The following FLACC1 variants were observed in gnomAD, a reference collection of about 807,000 sequenced individuals.
FLACC1 encodes the protein flagellum-associated coiled-coil domain-containing protein 1.
In FLACC1, 66 loss-of-function variants were observed where a neutral mutation model predicts 62.8. The observed-to-expected ratio is 1.05, with a 90% CI of 0.86 to 1.29. The LOEUF is 1.29. Ranked by LOEUF, FLACC1 falls within the 50% of genes most tolerant of loss-of-function variation. The probability of loss-of-function intolerance (pLI) is 0.00; values close to 1 mark genes in which losing one functional copy is unlikely to be tolerated. For synonymous variants in FLACC1, 156 were observed against 161.0 expected (o/e 0.97, Z 0.24); for missense variants, 452 against 489.1 (o/e 0.92, Z 0.71).
the FLACC1 span, among the ~76,000 whole-genome samples, chr2:201,363,856 C>T: frequency 6.6e-6 from 1 of 152,180 alleles, no homozygotes; most frequent in African/African-American, 2.4e-5. Context: ...GAGGAAATTT[C>T]CCAAGCATCT....
intron 9 of FLACC1, among the ~76,000 whole-genome samples, chr2:201,323,174 G>A (rs1425694741): frequency 1.3e-5 from 2 of 152,302 alleles, no homozygotes; most frequent in East Asian, 1.9e-4. Flanking sequence ...TTATTTCAGG[G>A]AATAATTGAG....
rs889296748 is a variant in FLACC1, at chr2:201,350,299, C to T, written c.185+412G>A. Among the ~76,000 whole-genome samples, 54 of 152,086 alleles carry T rather than the reference C, an allele frequency of 3.6e-4. 1 individual carries two copies. The highest frequency in any genetic ancestry group is 5.9e-4 in the Admixed American group (9 of 15,258). On this transcript the variant is annotated intron_variant, in intron 3 of 14. Coordinates refer to ENST00000392257, the MANE Select transcript of FLACC1 (RefSeq NM_001127391.3). ...ACTCAGGAGGCTAAGGCAGGAGAAT[C>T]GTTTGAACCAGGGAGGTGGAGGTTG...
At chr2:201,295,958 T>C (rs1260558658) in intron 12 of FLACC1, among the ~76,000 whole-genome samples, 2 of 152,036 alleles carry the variant, frequency 1.3e-5, no homozygotes, top group Non-Finnish European at 2.9e-5. Context: ...CAAACCACAA[T>C]GAGATACCAT....
intron 8 of FLACC1, 95 bp downstream of exon 8, chr2:201,330,641 A>T: frequency 2.6e-6 from 4 of 1,537,484 alleles, no homozygotes; most frequent in Non-Finnish European, 3.6e-6. Flanking sequence ...AGGTAGTAAA[A>T]CCTTTGTGTG....
chr2:201,358,619 G>A (rs1468499169), upstream of FLACC1, among the ~76,000 whole-genome samples: 4 of 151,694 alleles, frequency 2.6e-5, no homozygotes, highest in South Asian at 2.1e-4. Flanking sequence ...GGGTTTCACC[G>A]TTTTAGCCGG....
At chr2:201,296,185 T>A (rs1949856687) in intron 12 of FLACC1, among the ~76,000 whole-genome samples, 1 of 152,106 alleles carries the variant, frequency 6.6e-6, no homozygotes, top group South Asian at 2.1e-4. Context: ...GGATTATAAA[T>A]CATGCTGCTA....
chr2:201,321,339 A>G (rs1244962806), intron 9 of FLACC1, among the ~76,000 whole-genome samples: 11 of 152,204 alleles, frequency 7.2e-5, no homozygotes, highest in Non-Finnish European at 2.9e-5. Context: ...CACCACATCA[A>G]GAGAACACCC....
intron 3 of FLACC1, among the ~76,000 whole-genome samples, chr2:201,350,379 C>T (rs1951000979): frequency 6.6e-6 from 1 of 151,998 alleles, no homozygotes; most frequent in South Asian, 2.1e-4. Context: ...AGCAAGACTC[C>T]ATCTCAAACA....
chr2:201,295,933 C>CAA (rs1949850936), intron 12 of FLACC1, among the ~76,000 whole-genome samples: 1 of 152,168 alleles, frequency 6.6e-6, no homozygotes, highest in Non-Finnish European at 1.5e-5. Flanking sequence ...CACTGGCCAT[C>CAA]AGAGAAATGC....
chr2:201,324,348 G>T (rs1950463669), intron 9 of FLACC1, among the ~76,000 whole-genome samples: 1 of 152,168 alleles, frequency 6.6e-6, no homozygotes, highest in African/African-American at 2.4e-5. Flanking sequence ...GGAGCTTGCA[G>T]ATTCATAAAA....
At chr2:201,330,012 A>G (rs781354228) in intron 9 of FLACC1, among the ~76,000 whole-genome samples, 9 of 152,252 alleles carry the variant, frequency 5.9e-5, no homozygotes, top group Non-Finnish European at 1.2e-4. Context: ...GTAAAATTTT[A>G]GAACCCAATG....
chr2:201,312,816 G>A (rs112269224), intron 9 of FLACC1, among the ~76,000 whole-genome samples: 16,645 of 152,212 alleles, frequency 0.11, 974 homozygotes, highest in Non-Finnish European at 0.13. Flanking sequence ...GGAAAGCCAA[G>A]AGAATCCACA....
chr2:201,322,044 G>A (rs1288205076), intron 9 of FLACC1, among the ~76,000 whole-genome samples: 1 of 152,112 alleles, frequency 6.6e-6, no homozygotes, highest in Non-Finnish European at 1.5e-5. Context: ...TGAGGCGGGT[G>A]GATCACTTGA....
At chr2:201,355,267 A>T (rs1025896665) in intron 1 of FLACC1, among the ~76,000 whole-genome samples, 1 of 152,238 alleles carries the variant, frequency 6.6e-6, no homozygotes, top group Non-Finnish European at 1.5e-5. Context: ...CCTGGATGAC[A>T]GAACAAGACT....
chr2:201,320,953 A>AT (rs1304483180), intron 9 of FLACC1, among the ~76,000 whole-genome samples: 1 of 152,250 alleles, frequency 6.6e-6, no homozygotes, highest in Non-Finnish European at 1.5e-5. Flanking sequence ...TCCTGGTAGA[A>AT]TAACAACGCA....
At chr2:201,350,608 G>A in intron 3 of FLACC1, 103 bp downstream of exon 3, 1 of 945,984 alleles carries the variant, frequency 1.1e-6, no homozygotes, top group East Asian at 2.6e-5. Flanking sequence ...TTGAGACTGG[G>A]AGGCAGAGGT....
chr2:201,329,769 C>G (rs1198141381), intron 9 of FLACC1, among the ~76,000 whole-genome samples: 1 of 152,156 alleles, frequency 6.6e-6, no homozygotes, highest in East Asian at 1.9e-4. Context: ...GGTGGAATAA[C>G]TATTGGGTAC....
rs529925051 is a variant in FLACC1 at position 201,342,445 on chromosome 2, C to G, written c.463-14G>C. ...TTCACTGGAGAGCTGGAAACAAAAT[C>G]AGCATCTACAACACAGGACTGAGGA... On this transcript the variant is annotated splice_polypyrimidine_tract_variant and intron_variant, in intron 6 of 14. Coordinates refer to ENST00000392257, the MANE Select transcript of FLACC1 (RefSeq NM_001127391.3). 1.5e-5 allele frequency: 25 copies of G among 1,614,076 alleles called. No homozygotes were observed. The South Asian group carries it at 2.7e-4, about 18-fold the overall frequency.
chr2:201,290,606 T>C (rs905836678), intron 12 of FLACC1, among the ~76,000 whole-genome samples: 1 of 152,190 alleles, frequency 6.6e-6, no homozygotes, highest in African/African-American at 2.4e-5. Context: ...GCGTGAGCGA[T>C]GCAGAAGACG....
Sources: allele counts gnomAD v4.1 joint callset (sites outside exome capture counted in the v4.1 genomes callset), GRCh38; gene constraint gnomAD v4.1.1; transcripts MANE v1.5; gene names NCBI Gene and HGNC (gene_info 2026-07-23, HGNC 2026-07-21).